The following CD40 variants were observed in gnomAD, a reference collection of about 807,000 sequenced individuals.
CD40 encodes tumor necrosis factor receptor superfamily member 5.
Under a neutral mutation model 38.5 loss-of-function variants are expected in CD40, and 19 were observed. The observed-to-expected ratio is 0.49, with a 90% CI of 0.34 to 0.72. CD40 has a LOEUF of 0.72. Ranked by LOEUF, CD40 falls within the 30% of genes least tolerant of loss-of-function variation. The probability of loss-of-function intolerance (pLI) is 0.01; values close to 1 mark genes in which losing one functional copy is unlikely to be tolerated. For synonymous variants in CD40, 130 were observed against 128.7 expected (o/e 1.01, Z -0.07); for missense variants, 256 against 344.1 (o/e 0.74, Z 2.03).
intron 8 of CD40, 174 bp downstream of exon 8, chr20:46,128,532 TC>T: frequency 2.6e-6 from 2 of 771,896 alleles, no homozygotes; most frequent in Non-Finnish European, 2.2e-6. Flanking sequence ...CAGAGCTCAA[TC>T]CCCCACAGAA....
chr20:46,124,871 A>G (rs1276573180), intron 5 of CD40, among the ~76,000 whole-genome samples: 1 of 142,120 alleles, frequency 7.0e-6, no homozygotes, highest in Non-Finnish European at 1.5e-5. Context: ...GGTTCACGCC[A>G]TTCTCCTGCC....
At chr20:46,127,854 C>A (rs2145611591) in intron 6 of CD40, 1 of 497,198 alleles carries the variant, frequency 2.0e-6, no homozygotes, top group South Asian at 2.1e-5. Context: ...AGGCTGCCAA[C>A]TGGAACCCAG....
intron 5 of CD40, 74 bp downstream of exon 5, chr20:46,123,293 G>C (rs1002154035): frequency 2.1e-5 from 24 of 1,116,668 alleles, no homozygotes; most frequent in Admixed American, 1.7e-4. Flanking sequence ...CCAGCCACCT[G>C]TCCTGTCCCT....
chr20:46,128,264 A>T lies in CD40; in HGVS notation c.646+40A>T, dbSNP rs11569338. ...GGGGAGGTGTTGGGGGAGGGAGGGG[A>T]GACCACCTGTTTCTTATCTGGCCTC... On this transcript the variant is annotated intron_variant, in intron 7 of 8. Coordinates refer to ENST00000372285, the MANE Select transcript of CD40 (RefSeq NM_001250.6). 201 of 1,580,890 alleles carry T rather than the reference A, an allele frequency of 1.3e-4. No homozygotes were observed. The African/African-American group carries it at 2.7e-3, about 21-fold the overall frequency.
chr20:46,121,590 A>G, intron 1 of CD40: 2 of 578,478 alleles, frequency 3.5e-6, no homozygotes, highest in Non-Finnish European at 6.3e-6. Flanking sequence ...GTGAGTTTAC[A>G]GTACCATTGC....
intron 8 of CD40, 74 bp from the exon 9 acceptor site, chr20:46,128,808 C>T: frequency 3.3e-6 from 5 of 1,525,386 alleles, no homozygotes; most frequent in Non-Finnish European, 4.5e-6. Context: ...AAGGGATCCG[C>T]TTCCCAGGGA....
chr20:46,124,338 A>T (rs1169263322), intron 5 of CD40, among the ~76,000 whole-genome samples: 1 of 152,146 alleles, frequency 6.6e-6, no homozygotes, highest in Non-Finnish European at 1.5e-5. Flanking sequence ...TTTGCATTTG[A>T]TTTTTAAAAA....
intron 8 of CD40, chr20:46,128,559 C>CAGCCAGTGTTAGGCTCTGCCAGTGG: frequency 1.4e-6 from 1 of 720,674 alleles, no homozygotes; most frequent in Non-Finnish European, 2.5e-6. Flanking sequence ...CCTGGCACCA[C>CAGCCAGTGTTAGGCTCTGCCAGTGG]TGGCAGAGCC....
chr20:46,125,546 C>CAA (rs60475326), intron 5 of CD40, among the ~76,000 whole-genome samples: 235 of 69,222 alleles, frequency 3.4e-3, no homozygotes, highest in African/African-American at 9.8e-3. Flanking sequence ...GACTCTGTCT[C>CAA]AAAAAAAAAA....
At chr20:46,119,399 C>T (rs1428446474) in intron 1 of CD40, among the ~76,000 whole-genome samples, 3 of 152,036 alleles carry the variant, frequency 2.0e-5, no homozygotes, top group Non-Finnish European at 4.4e-5. Flanking sequence ...TGCTTTGGTC[C>T]CACAGCTTTC....
chr20:46,119,265 C>T (rs1221497928), intron 1 of CD40, among the ~76,000 whole-genome samples: 1 of 152,212 alleles, frequency 6.6e-6, no homozygotes, highest in Non-Finnish European at 1.5e-5. Context: ...TCCTTCATCC[C>T]AGCCCCTCTG....
Position 46,123,121 on chromosome 20 carries a change from C to A in CD40, c.404-5C>A, listed in dbSNP as rs780837863. ...GTTAATGTCCCCCTCCCCACCCACT[C>A]CCAGCTACAGGGGTTTCTGATACCA... On this transcript the variant is annotated splice_region_variant and splice_polypyrimidine_tract_variant and intron_variant, in intron 4 of 8. Coordinates refer to ENST00000372285, the MANE Select transcript of CD40 (RefSeq NM_001250.6). 6.2e-7 allele frequency: 1 copy of A among 1,612,108 alleles called. No individual in the cohort carries two copies. The highest frequency in any genetic ancestry group is 8.5e-7 in the Non-Finnish European group (1 of 1,178,136).
chr20:46,123,804 G>T (rs1305224771), intron 5 of CD40, among the ~76,000 whole-genome samples: 1 of 152,174 alleles, frequency 6.6e-6, no homozygotes, highest in African/African-American at 2.4e-5. Flanking sequence ...GCGTTCGACA[G>T]TTTCTTTCAA....
chr20:46,122,194 G>A lies in CD40; in HGVS notation c.131-39G>A. ...GTGTGGTTAGTGTCTGACTCATGGAGTTGGCCAGAGCCCTCCCTCATTTCC... is the reference window on the plus strand; with the variant it reads ...GTGTGGTTAGTGTCTGACTCATGGAATTGGCCAGAGCCCTCCCTCATTTCC... On this transcript the variant is annotated intron_variant, in intron 2 of 8. Transcript: ENST00000372285. This position sits in a 1 kb window ranked among gnomAD's most constrained non-coding sequence, Gnocchi z 5.0. 1 of 1,613,622 alleles carries A rather than the reference G, an allele frequency of 6.2e-7. No individual in the cohort carries two copies. The highest frequency in any genetic ancestry group is 8.5e-7 in the Non-Finnish European group (1 of 1,179,540).
intron 2 of CD40, 39 bp downstream of exon 2, chr20:46,121,937 C>T (rs777407852): frequency 1.3e-6 from 2 of 1,545,276 alleles, no homozygotes; most frequent in Non-Finnish European, 1.8e-6. Context: ...TGGAGTCCCC[C>T]TTTGCTTTGG....
At position 46,122,572 on chromosome 20, in the gene CD40, G is replaced by A; in HGVS notation, c.257-38G>A. 1 of 1,613,972 alleles carries A rather than the reference G, an allele frequency of 6.2e-7. No homozygotes were observed. The highest frequency in any genetic ancestry group is 8.5e-7 in the Non-Finnish European group (1 of 1,179,892). ...GGAGTGAGGCTCAGAGCATGGCCCA[G>A]CAGGGGGTTCCCATCCTTCCTGCCC... On this transcript the variant is annotated intron_variant, in intron 3 of 8. Transcript: ENST00000372285. This position sits in a 1 kb window ranked among gnomAD's most constrained non-coding sequence, Gnocchi z 5.0.
chr20:46,122,259 G>T lies in CD40; in HGVS notation c.157G>T (p.Glu53Ter). Residue 53 changes from glutamate to a stop codon, truncating the protein, a stop_gained, in exon 3 of 9, where the codon GAG becomes TAG. Transcript: ENST00000372285. LOFTEE classifies it high-confidence loss of function. The surrounding 1 kb of genome is among the most constrained non-coding windows in gnomAD (Gnocchi z 5.0). ...PGQKLVSDCT[E>*]FTETECLPCG... ...ACAGAAACTGGTGAGTGACTGCACA[G>T]AGTTCACTGAAACGGAATGCCTTCC... 1 of 1,614,198 alleles carries T rather than the reference G, an allele frequency of 6.2e-7. No homozygotes were observed. The highest frequency in any genetic ancestry group is 1.3e-5 in the African/African-American group (1 of 75,040).
Position 46,128,145 on chromosome 20 carries a change from G to A in CD40, c.567G>A (p.Gln189=), listed in dbSNP as rs768240688. Residue 189 remains glutamine, a synonymous_variant, in exon 7 of 9, where the codon CAG becomes CAA. Transcript: ENST00000372285. ...AAGTCCTGATTTCTCCAGGTCCCCAGGATCGGCTGAGAGCCCTGGTGGTGA... is the reference window on the plus strand; with the variant it reads ...AAGTCCTGATTTCTCCAGGTCCCCAAGATCGGCTGAGAGCCCTGGTGGTGA... ...TNKTDVVCGP[Q]DRLRALVVIP... 6.2e-7 allele frequency: 1 copy of A among 1,613,852 alleles called. No homozygotes were observed. Among genetic ancestry groups the A allele is most frequent in the South Asian group, 1.1e-5 (1 of 91,054 alleles).
intron 6 of CD40, among the ~76,000 whole-genome samples, chr20:46,127,787 T>G (rs946210594): frequency 6.6e-6 from 1 of 151,998 alleles, no homozygotes; most frequent in African/African-American, 2.4e-5. Context: ...GGGAGCATGG[T>G]GAGCAGGTGG....
Sources: gnomAD v4.1 joint callset for allele counts (sites outside exome capture counted in the v4.1 genomes callset) on GRCh38, gnomAD v4.1.1 for gene constraint, Gnocchi (gnomAD v3.1) non-coding constraint, MANE v1.5 for transcripts, NCBI Gene and HGNC (gene_info 2026-07-23, HGNC 2026-07-21) for gene names.